The following MICU3 variants were observed in gnomAD, a reference collection of about 807,000 sequenced individuals.
MICU3 encodes the protein calcium uptake protein 3, mitochondrial.
MICU3 carries 62 observed loss-of-function variants against 66.5 expected under a neutral mutation model. The ratio of observed to expected loss-of-function variants is 0.93; its 90% confidence interval spans 0.76 to 1.15. MICU3 has a LOEUF of 1.15. Ranked by LOEUF, MICU3 falls within the 50% of genes most tolerant of loss-of-function variation. The pLI is 0.00. For synonymous variants in MICU3, 308 were observed against 240.7 expected (o/e 1.28, Z -2.59); for missense variants, 779 against 664.4 (o/e 1.17, Z -1.90).
intron 1 of MICU3, among the ~76,000 whole-genome samples, chr8:17,028,447 G>A (rs942720565): frequency 6.6e-6 from 1 of 152,164 alleles, no homozygotes; most frequent in African/African-American, 2.4e-5. Flanking sequence ...AAAGGAGCGT[G>A]ATTTTTTTTG....
chr8:17,044,047 C>T (rs913298505), intron 1 of MICU3, among the ~76,000 whole-genome samples: 1 of 152,160 alleles, frequency 6.6e-6, no homozygotes, highest in Admixed American at 6.5e-5. Context: ...GGCAAGAATG[C>T]ATACTTAAGG....
At chr8:17,052,516 A>G (rs778301473) in intron 1 of MICU3, among the ~76,000 whole-genome samples, 3 of 151,990 alleles carry the variant, frequency 2.0e-5, no homozygotes, top group South Asian at 2.1e-4. Flanking sequence ...ACCCCCACTC[A>G]CCCTTCCCAT....
chr8:17,077,162 CTG>C (rs774705179), intron 3 of MICU3, among the ~76,000 whole-genome samples: 17 of 152,180 alleles, frequency 1.1e-4, no homozygotes, highest in Admixed American at 2.6e-4. Context: ...CAGTTGAAGT[CTG>C]TGTTCTTTAA....
intron 1 of MICU3, among the ~76,000 whole-genome samples, chr8:17,050,152 G>C (rs1279236411): frequency 6.6e-6 from 1 of 151,998 alleles, no homozygotes; most frequent in Non-Finnish European, 1.5e-5. Flanking sequence ...CGGATCTATA[G>C]CTATTAAATT....
At chr8:17,087,727 A>G (rs952423421) in intron 7 of MICU3, among the ~76,000 whole-genome samples, 7 of 152,062 alleles carry the variant, frequency 4.6e-5, no homozygotes, top group Admixed American at 1.3e-4. Flanking sequence ...GAGGAAACTG[A>G]TAATTGGGAA....
At chr8:17,063,959 C>T in intron 1 of MICU3, 125 bp from the exon 2 acceptor site, 1 of 556,744 alleles carries the variant, frequency 1.8e-6, no homozygotes. Flanking sequence ...TAACGTTTTT[C>T]AGAAGACGAT....
intron 1 of MICU3, among the ~76,000 whole-genome samples, chr8:17,053,487 C>G (rs377247720): frequency 6.6e-6 from 1 of 152,118 alleles, no homozygotes; most frequent in African/African-American, 2.4e-5. Context: ...GCCTCACTAC[C>G]TTAACAAGTA....
intron 8 of MICU3, chr8:17,090,815 G>C: frequency 2.9e-6 from 1 of 343,776 alleles, no homozygotes; most frequent in Non-Finnish European, 5.2e-6. Context: ...TTAAAATAAG[G>C]AAAAGGTAAG....
At chr8:17,058,640 T>C (rs1817353843) in intron 1 of MICU3, among the ~76,000 whole-genome samples, 1 of 152,206 alleles carries the variant, frequency 6.6e-6, no homozygotes, top group Admixed American at 6.5e-5. Flanking sequence ...CTGAAAGGTC[T>C]GAGTTCCTTT....
At chr8:17,067,340 G>A (rs1420227246) in intron 2 of MICU3, among the ~76,000 whole-genome samples, 6 of 151,814 alleles carry the variant, frequency 4.0e-5, no homozygotes, top group African/African-American at 1.5e-4. Context: ...CTTGAAGATC[G>A]AATGAATTAT....
chr8:17,105,541 C>A lies in MICU3; in HGVS notation c.1214C>A (p.Ser405Ter). Residue 405 changes from serine (S) to a stop codon, truncating the protein, a stop_gained, in exon 11 of 15, where the codon TCA becomes TAA. Transcript: ENST00000318063. LOFTEE classifies it high-confidence loss of function. The part of the protein sequence containing the change: ...LLRYTNVENT[S>*]VFLENVRYSI... ...CGATATACAAATGTGGAAAATACAT[C>A]AGTATTTTTAGAAAATGTGCGTTAC... 6.4e-7 allele frequency: 1 copy of A among 1,563,612 alleles called. No individual in the cohort carries two copies. The highest frequency in any genetic ancestry group is 1.2e-5 in the South Asian group (1 of 85,086).
At chr8:17,124,512 A>G (rs1803354680), downstream of MICU3, among the ~76,000 whole-genome samples, 1 of 152,074 alleles carries the variant, frequency 6.6e-6, no homozygotes, top group Non-Finnish European at 1.5e-5. Context: ...TGTCCCATCT[A>G]GAATGGTTGT....
intron 1 of MICU3, among the ~76,000 whole-genome samples, chr8:17,061,166 G>A (rs941787473): frequency 6.6e-6 from 1 of 152,066 alleles, no homozygotes; most frequent in African/African-American, 2.4e-5. Context: ...TGGTGGCAGT[G>A]GTTTTGATGT....
chr8:17,053,882 G>A (rs1026395706), intron 1 of MICU3, among the ~76,000 whole-genome samples: 2 of 152,170 alleles, frequency 1.3e-5, no homozygotes, highest in African/African-American at 2.4e-5. Context: ...CCTAGAAGGT[G>A]TAAGGTGTAA....
At chr8:17,067,999 A>T (rs1818981010) in intron 2 of MICU3, among the ~76,000 whole-genome samples, 1 of 152,130 alleles carries the variant, frequency 6.6e-6, no homozygotes, top group Non-Finnish European at 1.5e-5. Flanking sequence ...CTTTTCTAGA[A>T]CTAAAATCAG....
At chr8:17,064,564 T>A (rs964522602) in intron 2 of MICU3, among the ~76,000 whole-genome samples, 1 of 152,168 alleles carries the variant, frequency 6.6e-6, no homozygotes, top group Admixed American at 6.5e-5. Context: ...AGGTTAGCCC[T>A]GGGCAAGAAT....
At chr8:17,073,633 G>C (rs919467013) in intron 3 of MICU3, among the ~76,000 whole-genome samples, 1 of 152,048 alleles carries the variant, frequency 6.6e-6, no homozygotes, top group Non-Finnish European at 1.5e-5. Flanking sequence ...CTCCCTCCTG[G>C]TCTGTGGAAA....
chr8:17,125,573 A>C (rs990733635), downstream of MICU3, among the ~76,000 whole-genome samples: 1 of 152,264 alleles, frequency 6.6e-6, no homozygotes, highest in South Asian at 2.1e-4. Context: ...CTTGACTATC[A>C]GTATGTATAG....
downstream of MICU3, among the ~76,000 whole-genome samples, chr8:17,123,145 T>A (rs1418916488): frequency 1.3e-5 from 2 of 152,120 alleles, no homozygotes; most frequent in Non-Finnish European, 2.9e-5. Flanking sequence ...TGTAAAAAAT[T>A]GGTAGCATTT....
Sources: gnomAD v4.1 joint callset for allele counts (sites outside exome capture counted in the v4.1 genomes callset) on GRCh38, gnomAD v4.1.1 for gene constraint, MANE v1.5 for transcripts, NCBI Gene and HGNC (gene_info 2026-07-23, HGNC 2026-07-21) for gene names.